TBK1: variants seen among roughly 807,000 people sequenced by gnomAD.
TBK1 encodes the protein TANK binding kinase 1, also known as serine/threonine-protein kinase TBK1.
In TBK1, 37 loss-of-function variants were observed where a neutral mutation model predicts 99.9. The ratio of observed to expected loss-of-function variants is 0.37; its 90% CI spans 0.28 to 0.49. The LOEUF (loss-of-function observed/expected upper bound fraction) is 0.49, where lower values mean the gene tolerates loss of function less well. Among genes scored for constraint, TBK1 ranks in the 20% least tolerant of loss-of-function variants. The probability of loss-of-function intolerance (pLI) is 0.98; values close to 1 mark genes in which losing one functional copy is unlikely to be tolerated. For synonymous variants in TBK1, 258 were observed against 279.8 expected, an observed-to-expected ratio of 0.92 and a Z score of 0.78; for missense variants, 644 against 872.5, an observed-to-expected ratio of 0.74 and a Z score of 3.30.
chr12:64,500,270 CT>C (rs2040975269), intron 20 of TBK1, among the ~76,000 whole-genome samples: 1 of 152,076 alleles, frequency 6.6e-6, no homozygotes, highest in Non-Finnish European at 1.5e-5. Context: ...CTAAAATCAT[CT>C]GTCCCAACTC....
At chr12:64,489,899 A>G in intron 12 of TBK1, 142 bp from the exon 13 acceptor site, 2 of 534,320 alleles carry the variant, frequency 3.7e-6, no homozygotes, top group Non-Finnish European at 6.3e-6. Flanking sequence ...TTTTTTAACA[A>G]TCTGCTGGCT....
intron 16 of TBK1, 106 bp from the exon 17 acceptor site, chr12:64,496,843 A>G (rs936799280): frequency 2.8e-6 from 2 of 713,346 alleles, no homozygotes; most frequent in African/African-American, 3.6e-5. Context: ...CTAAAGCCAC[A>G]ACAATCATTA....
In TBK1 at chr12:64,488,478, T is replaced by C. The variant is rs931336179; in HGVS notation, c.1341-9T>C. On this transcript the variant is annotated splice_polypyrimidine_tract_variant and intron_variant, in intron 11 of 20. Coordinates refer to ENST00000331710, the MANE Select transcript of TBK1 (RefSeq NM_013254.4). ...AGATAAACTAATTAGAATAATTTTC[T>C]TTTTTTAGTGAATTAATTAAAGATG... The C allele has an allele frequency of 1.3e-6, 2 of 1,495,744 alleles. No individual in the cohort carries two copies. The highest frequency in any genetic ancestry group is 2.8e-5 in the African/African-American group (2 of 70,504). The allele number at this position is 1,495,744 out of a possible 1,614,324, so 92.7% of individuals were successfully genotyped here. A position where few individuals can be genotyped will look rare whatever the true frequency, so the allele number is the denominator to read the frequency against.
intron 3 of TBK1, among the ~76,000 whole-genome samples, chr12:64,460,954 G>A (rs896843122): frequency 5.3e-5 from 8 of 151,810 alleles, no homozygotes; most frequent in Non-Finnish European, 1.0e-4. Flanking sequence ...GGAGGTGTAC[G>A]CCTGTAGTTC....
At chr12:64,474,465 T>C in intron 6 of TBK1, 75 bp downstream of exon 6, 10 of 1,362,556 alleles carry the variant, frequency 7.3e-6, no homozygotes, top group South Asian at 1.4e-5. Flanking sequence ...TTATTGTTAG[T>C]GGTTTATGCT....
At chr12:64,453,839 A>G (rs1311517018) in intron 1 of TBK1, among the ~76,000 whole-genome samples, 2 of 152,226 alleles carry the variant, frequency 1.3e-5, no homozygotes, top group South Asian at 4.1e-4. Flanking sequence ...TTTCAGTATT[A>G]AAGACTTGAT....
Position 64,498,039 on chromosome 12 carries a change from G to C in TBK1, c.2138G>C (p.Arg713Thr). Reference sequence around the variant, plus strand: ...GCTGAAAATAACCACATTTTAGAAAGGTGAGTAATGCAAAAATAATTACTG... The same window carrying C: ...GCTGAAAATAACCACATTTTAGAAACGTGAGTAATGCAAAAATAATTACTG... The part of the protein sequence containing the change: ...ELAENNHILE[R>T]FGSLTMDGGL... The change falls in exon 20 of 21, where the codon AGG (arginine) becomes ACG (threonine). Residue 713 changes from arginine (R) to threonine (T), a missense_variant and splice_region_variant. This residue lies in a region of TBK1 where 465 missense variants were observed against 588.0 expected (regional missense o/e 0.79). Transcript: ENST00000331710. 6.2e-7 allele frequency: 1 copy of C among 1,600,996 alleles called. No individual in the cohort carries two copies. The highest frequency in any genetic ancestry group is 1.1e-5 in the South Asian group (1 of 87,846).
chr12:64,500,141 A>G (rs935072570), intron 20 of TBK1, among the ~76,000 whole-genome samples: 3 of 152,254 alleles, frequency 2.0e-5, no homozygotes, highest in Admixed American at 1.3e-4. Flanking sequence ...AACATGGCAT[A>G]ATCTTAACGT....
intron 17 of TBK1, 54 bp downstream of exon 17, chr12:64,497,104 T>C (rs2136088292): frequency 6.3e-7 from 1 of 1,576,346 alleles, no homozygotes; most frequent in Non-Finnish European, 8.7e-7. Flanking sequence ...TATAAATGTA[T>C]ATTTGAAGTA....
chr12:64,477,853 A>G (rs1348789895), intron 6 of TBK1, among the ~76,000 whole-genome samples: 2 of 152,016 alleles, frequency 1.3e-5, no homozygotes, highest in Admixed American at 6.6e-5. Context: ...CATAATTATT[A>G]TGAAATAATT....
chr12:64,484,381 A>G lies in TBK1; in HGVS notation c.1071A>G (p.Arg357=). The G allele has an allele frequency of 6.2e-7, 1 of 1,614,116 alleles. No homozygotes were observed. Among genetic ancestry groups the G allele is most frequent in the Non-Finnish European group, 8.5e-7 (1 of 1,179,996 alleles). The change falls in exon 9 of 21, where the codon CGA becomes CGG. Residue 357 remains arginine, a synonymous_variant. Transcript: ENST00000331710. Reference sequence around the variant, plus strand: ...ATCAAGAACTTATCTACGAAGGGCGACGCTTAGTCTTAGAACCTGGAAGGC... The same window carrying G: ...ATCAAGAACTTATCTACGAAGGGCGGCGCTTAGTCTTAGAACCTGGAAGGC... The part of the protein sequence containing the change: ...SSNQELIYEG[R]RLVLEPGRLA...
At chr12:64,479,473 A>G (rs932643304) in intron 6 of TBK1, among the ~76,000 whole-genome samples, 8 of 152,210 alleles carry the variant, frequency 5.3e-5, no homozygotes, top group African/African-American at 1.7e-4. Flanking sequence ...TGCTCAAAGC[A>G]CATTTACTTT....
Position 64,495,685 on chromosome 12 carries a change from TC to T in TBK1, c.1644-13del. Reference sequence around the variant, plus strand: ...GACTCAGTTAATTTATTTGAGTTTTTCTTCCTTAAATAGTGTAGAAAAACTA... The same window carrying T: ...GACTCAGTTAATTTATTTGAGTTTTTTTCCTTAAATAGTGTAGAAAAACTA... On this transcript the variant is annotated splice_polypyrimidine_tract_variant and intron_variant, in intron 14 of 20. Transcript: ENST00000331710. 6.2e-7 allele frequency: 1 copy of T among 1,612,578 alleles called. No homozygotes were observed. Among genetic ancestry groups the T allele is most frequent in the Non-Finnish European group, 8.5e-7 (1 of 1,179,580 alleles).
rs113080890 is a variant in TBK1, at chr12:64,463,379, C to CA, written c.229-941dup. On this transcript the variant is annotated intron_variant, in intron 3 of 20. Coordinates refer to ENST00000331710, the MANE Select transcript of TBK1 (RefSeq NM_013254.4). ...TGGGTGACAAAGCGAGACTTTGTCT[C>CA]AAAAAAAAAAAAAAGAAGGAAAGAA... 5.9e-3 allele frequency among the ~76,000 whole-genome samples: 654 copies of CA among 111,440 alleles called. 3 individuals are homozygous for CA. Among genetic ancestry groups the CA allele is most frequent in the East Asian group, 0.031 (122 of 3,916 alleles). 73.1% of individuals were successfully genotyped at this position (111,440 alleles called of 152,430 possible).
intron 20 of TBK1, among the ~76,000 whole-genome samples, chr12:64,498,909 T>TC (rs2040957492): frequency 6.8e-6 from 1 of 147,428 alleles, no homozygotes; most frequent in South Asian, 2.2e-4. Flanking sequence ...TCAGCCGAGA[T>TC]CACACCACTG....
intron 20 of TBK1, among the ~76,000 whole-genome samples, chr12:64,499,957 G>A (rs1157191958): frequency 3.3e-5 from 5 of 151,964 alleles, no homozygotes; most frequent in Admixed American, 2.6e-4. Flanking sequence ...CGGCCTCCCT[G>A]AGTGCTGAGA....
intron 3 of TBK1, 57 bp downstream of exon 3, chr12:64,460,386 C>A: frequency 1.5e-6 from 2 of 1,326,696 alleles, no homozygotes; most frequent in Non-Finnish European, 2.0e-6. Context: ...AGAAATAGAA[C>A]CTAATATTAA....
chr12:64,481,732 A>G, intron 7 of TBK1, 110 bp from the exon 8 acceptor site: 1 of 752,664 alleles, frequency 1.3e-6, no homozygotes, highest in African/African-American at 1.8e-5. Context: ...AATTAATCTA[A>G]TATAGTAATA....
At chr12:64,471,312 G>T (rs1010903260) in intron 5 of TBK1, among the ~76,000 whole-genome samples, 1 of 150,970 alleles carries the variant, frequency 6.6e-6, no homozygotes, top group Non-Finnish European at 1.5e-5. Flanking sequence ...GGGGTTACAG[G>T]TGCACACCAC....
Sources: allele counts gnomAD v4.1 joint callset (sites outside exome capture counted in the v4.1 genomes callset), GRCh38; gene constraint gnomAD v4.1.1; regional missense constraint gnomAD v4.1.1; transcripts MANE v1.5; gene names NCBI Gene and HGNC (gene_info 2026-07-23, HGNC 2026-07-21).